Variants in RABGAP1L observed in about 807,000 individuals in gnomAD.
RABGAP1L encodes the protein rab GTPase-activating protein 1-like.
In RABGAP1L, 63 loss-of-function variants were observed where a neutral mutation model predicts 137.7. That is an observed-to-expected ratio of 0.46 (90% CI 0.37 to 0.56). The LOEUF (loss-of-function observed/expected upper bound fraction) is 0.56, where lower values mean the gene tolerates loss of function less well. RABGAP1L is among the 20% of genes least tolerant of loss of function. The pLI is 0.00. For synonymous variants in RABGAP1L, 431 were observed against 433.7 expected, an observed-to-expected ratio of 0.99 and a Z score of 0.08; for missense variants, 1,095 against 1,244.0, an observed-to-expected ratio of 0.88 and a Z score of 1.80.
At chr1:174,854,288 T>C (rs1465633740) in intron 19 of RABGAP1L, among the ~76,000 whole-genome samples, 1 of 152,210 alleles carries the variant, frequency 6.6e-6, no homozygotes, top group South Asian at 2.1e-4. Context: ...ACTTCATGAA[T>C]GAATAGTTTG....
At chr1:174,267,352 C>G (rs1257572402) in intron 7 of RABGAP1L, among the ~76,000 whole-genome samples, 1 of 152,116 alleles carries the variant, frequency 6.6e-6, no homozygotes, top group Non-Finnish European at 1.5e-5. Context: ...GAATAGGACA[C>G]TTATGGAGAT....
At chr1:174,416,208 T>G (rs185178011) in intron 13 of RABGAP1L, among the ~76,000 whole-genome samples, 24 of 151,976 alleles carry the variant, frequency 1.6e-4, no homozygotes, top group Admixed American at 1.4e-3. Flanking sequence ...AGAGAATAAT[T>G]GTTCATCCCA....
At chr1:174,309,880 A>G (rs1054351899) in intron 11 of RABGAP1L, among the ~76,000 whole-genome samples, 2 of 152,104 alleles carry the variant, frequency 1.3e-5, no homozygotes, top group Non-Finnish European at 2.9e-5. Context: ...TCATAAAATG[A>G]GATTGGAATT....
At chr1:174,215,716 G>C (rs1461601408) in intron 1 of RABGAP1L, among the ~76,000 whole-genome samples, 6 of 152,252 alleles carry the variant, frequency 3.9e-5, no homozygotes, top group Middle Eastern at 3.4e-3. Flanking sequence ...CTGGTACACT[G>C]TTGGTGGGAG....
chr1:174,614,336 T>A (rs1350572318), intron 13 of RABGAP1L, among the ~76,000 whole-genome samples: 1 of 152,220 alleles, frequency 6.6e-6, no homozygotes, highest in African/African-American at 2.4e-5. Flanking sequence ...TGGCTGGATA[T>A]GAAATTCTGG....
intron 14 of RABGAP1L, among the ~76,000 whole-genome samples, chr1:174,664,738 T>TC (rs985447715): frequency 6.0e-5 from 8 of 133,780 alleles, no homozygotes; most frequent in African/African-American, 9.5e-5. Flanking sequence ...TGCTTTCTTT[T>TC]TTTTTTTTTT....
At chr1:174,597,609 T>A (rs1490478697) in intron 13 of RABGAP1L, among the ~76,000 whole-genome samples, 1 of 152,082 alleles carries the variant, frequency 6.6e-6, no homozygotes, top group South Asian at 2.1e-4. Context: ...TTTTTCTTAA[T>A]CTTCCTACAG....
chr1:174,503,243 A>G (rs552652295), intron 13 of RABGAP1L, among the ~76,000 whole-genome samples: 3 of 152,348 alleles, frequency 2.0e-5, no homozygotes, highest in African/African-American at 4.8e-5. Context: ...TGGTGCCACT[A>G]TGGCAGAGAT....
intron 20 of RABGAP1L, among the ~76,000 whole-genome samples, chr1:174,958,862 A>G (rs138062679): frequency 5.3e-5 from 8 of 152,272 alleles, no homozygotes; most frequent in Admixed American, 2.6e-4. Flanking sequence ...CTCATCTATA[A>G]AAGATATAGT....
At chr1:174,686,849 CAG>C (rs745387894) in intron 15 of RABGAP1L, among the ~76,000 whole-genome samples, 4 of 151,112 alleles carry the variant, frequency 2.6e-5, no homozygotes, top group Admixed American at 1.3e-4. Flanking sequence ...TCAGTAGAGA[CAG>C]AGTTTCACCA....
chr1:174,296,268 A>AT (rs1197453808), intron 10 of RABGAP1L, among the ~76,000 whole-genome samples: 1 of 152,256 alleles, frequency 6.6e-6, no homozygotes, highest in Non-Finnish European at 1.5e-5. Flanking sequence ...CAGAAGTCAG[A>AT]TTGCAGTTGA....
At chr1:174,834,683 T>C (rs983321964) in intron 19 of RABGAP1L, among the ~76,000 whole-genome samples, 1 of 150,782 alleles carries the variant, frequency 6.6e-6, no homozygotes, top group Non-Finnish European at 1.5e-5. Flanking sequence ...CCTTAGTGCT[T>C]GAATGGGTGG....
At chr1:174,729,969 A>G (rs1036857758) in intron 17 of RABGAP1L, among the ~76,000 whole-genome samples, 1 of 152,194 alleles carries the variant, frequency 6.6e-6, no homozygotes. Flanking sequence ...CCATTACTGG[A>G]TGTATATTTA....
chr1:174,287,235 A>G (rs1326077853), intron 10 of RABGAP1L, among the ~76,000 whole-genome samples: 4 of 152,142 alleles, frequency 2.6e-5, no homozygotes, highest in Admixed American at 2.6e-4. Context: ...ACTATTTACA[A>G]TAGTTAAATC....
At chr1:174,349,222 G>A (rs908191010) in intron 11 of RABGAP1L, among the ~76,000 whole-genome samples, 1 of 133,260 alleles carries the variant, frequency 7.5e-6, no homozygotes, top group Non-Finnish European at 1.6e-5. Context: ...CTGGCCGGGC[G>A]GGGGGGCTGA....
At chr1:174,609,803 G>A (rs2148203963) in intron 13 of RABGAP1L, among the ~76,000 whole-genome samples, 1 of 152,178 alleles carries the variant, frequency 6.6e-6, no homozygotes, top group South Asian at 2.1e-4. Flanking sequence ...ATAATGCAGG[G>A]ATTGAATGTA....
chr1:174,939,532 C>T (rs569169962), intron 19 of RABGAP1L, among the ~76,000 whole-genome samples: 2 of 142,480 alleles, frequency 1.4e-5, no homozygotes, highest in Admixed American at 7.3e-5. Flanking sequence ...GGTGATACAG[C>T]GAGACTCTGT....
intron 13 of RABGAP1L, among the ~76,000 whole-genome samples, chr1:174,433,757 G>A (rs1335608817): frequency 6.6e-6 from 1 of 151,944 alleles, no homozygotes; most frequent in African/African-American, 2.4e-5. Context: ...ATTCTTTATG[G>A]CACATTGCTA....
intron 17 of RABGAP1L, among the ~76,000 whole-genome samples, chr1:174,748,971 G>A (rs938868320): frequency 6.6e-6 from 1 of 151,882 alleles, no homozygotes; most frequent in African/African-American, 2.4e-5. Flanking sequence ...GAGGTCAAAA[G>A]TTTGAGACTA....
Sources: gnomAD v4.1 joint callset for allele counts (sites outside exome capture counted in the v4.1 genomes callset) on GRCh38, gnomAD v4.1.1 for gene constraint, MANE v1.5 for transcripts, NCBI Gene and HGNC (gene_info 2026-07-23, HGNC 2026-07-21) for gene names.